The following TSPAN14 variants were observed in gnomAD, a reference collection of about 807,000 sequenced individuals.
TSPAN14 encodes tetraspanin 14.
A neutral mutation model predicts 36.6 loss-of-function variants in TSPAN14; 16 were observed. The ratio of observed to expected loss-of-function variants is 0.44; its 90% CI spans 0.30 to 0.66. The LOEUF (loss-of-function observed/expected upper bound fraction) is 0.66. Ranked by LOEUF, TSPAN14 falls within the 30% of genes least tolerant of loss-of-function variation. The pLI is 0.12. For synonymous variants in TSPAN14, 139 were observed against 143.8 expected (o/e 0.97, Z 0.24); for missense variants, 231 against 355.1 (o/e 0.65, Z 2.81).
chr10:80,476,477 G>C (rs935925915), intron 1 of TSPAN14, among the ~76,000 whole-genome samples: 2 of 140,208 alleles, frequency 1.4e-5, no homozygotes, highest in Non-Finnish European at 3.0e-5. Context: ...ATGCAGTGGC[G>C]AGATCTCTGC....
At chr10:80,504,131 C>T (rs1408691779) in intron 2 of TSPAN14, among the ~76,000 whole-genome samples, 3 of 152,236 alleles carry the variant, frequency 2.0e-5, no homozygotes, top group South Asian at 2.1e-4. Context: ...AGCATAGATG[C>T]GCCCCCTGCT....
At chr10:80,461,211 T>C (rs144253720) in intron 1 of TSPAN14, among the ~76,000 whole-genome samples, 185 of 152,312 alleles carry the variant, frequency 1.2e-3, no homozygotes, top group African/African-American at 4.3e-3. Flanking sequence ...GGTGACCCTG[T>C]TTGGCCTGCC....
At chr10:80,512,469 A>G (rs114891909) in intron 6 of TSPAN14, among the ~76,000 whole-genome samples, 200 bp downstream of exon 6, 1,807 of 152,090 alleles carry the variant, frequency 0.012, 30 homozygotes, top group African/African-American at 0.042. Flanking sequence ...TGCATGACCC[A>G]CCCTGGCCTT....
intron 1 of TSPAN14, among the ~76,000 whole-genome samples, chr10:80,483,896 G>A (rs372363861): frequency 2.8e-3 from 181 of 65,454 alleles, no homozygotes; most frequent in African/African-American, 9.9e-3. Flanking sequence ...GGCAACAAGA[G>A]CAAAACTCTT....
chr10:80,520,126 C>A (rs979616790), exon 9 of TSPAN14: 2 of 162,566 alleles, frequency 1.2e-5, no homozygotes, highest in African/African-American at 2.4e-5. Context: ...CAGTGCCCAC[C>A]TCACTAGATG....
At chr10:80,504,134 C>T (rs1840155496) in intron 2 of TSPAN14, among the ~76,000 whole-genome samples, 2 of 152,198 alleles carry the variant, frequency 1.3e-5, no homozygotes, top group Admixed American at 1.3e-4. Context: ...ATAGATGCGC[C>T]CCCTGCTCAT....
At chr10:80,482,396 C>G (rs559067520) in intron 1 of TSPAN14, among the ~76,000 whole-genome samples, 2 of 151,624 alleles carry the variant, frequency 1.3e-5, no homozygotes, top group African/African-American at 4.9e-5. Flanking sequence ...AAGCAATTCT[C>G]CTGCCTCAAC....
intron 2 of TSPAN14, among the ~76,000 whole-genome samples, chr10:80,493,377 C>T (rs535054098): frequency 2.6e-5 from 4 of 152,254 alleles, no homozygotes; most frequent in Admixed American, 6.5e-5. Context: ...ATAGAATTAC[C>T]GTATGATCCA....
intron 1 of TSPAN14, among the ~76,000 whole-genome samples, chr10:80,480,682 A>T (rs1170324310): frequency 1.3e-5 from 2 of 152,160 alleles, no homozygotes; most frequent in Non-Finnish European, 2.9e-5. Context: ...TCGCAAGAAC[A>T]AAAAACCAAA....
Position 80,509,236 on chromosome 10 carries a change from G to A in TSPAN14, c.280-65G>A, listed in dbSNP as rs1042070266. ...GGATGGTGGTTCTGGGTCAGGTGGGGTTATGTGTGTGGGGGTGCAGGCTGG... is the reference window on the plus strand; with the variant it reads ...GGATGGTGGTTCTGGGTCAGGTGGGATTATGTGTGTGGGGGTGCAGGCTGG... On this transcript the variant is annotated intron_variant, in intron 4 of 8. Transcript: ENST00000429989. This position sits in a 1 kb window ranked among gnomAD's most constrained non-coding sequence, Gnocchi z 4.7. 5 of 1,550,564 alleles carry A rather than the reference G, an allele frequency of 3.2e-6. No homozygotes were observed. The highest frequency in any genetic ancestry group is 4.5e-5 in the East Asian group (2 of 44,562).
chr10:80,489,400 C>G, intron 2 of TSPAN14, 86 bp downstream of exon 2: 1 of 979,226 alleles, frequency 1.0e-6, no homozygotes, highest in Non-Finnish European at 1.6e-6. Context: ...ATTTGCCAGA[C>G]ACTATGTAAG....
At chr10:80,477,825 C>T (rs1428492620) in intron 1 of TSPAN14, among the ~76,000 whole-genome samples, 1 of 152,144 alleles carries the variant, frequency 6.6e-6, no homozygotes, top group East Asian at 1.9e-4. Context: ...TCTTCTAACC[C>T]CTTTTAGCTT....
intron 1 of TSPAN14, among the ~76,000 whole-genome samples, chr10:80,484,524 C>T (rs1296803524): frequency 1.3e-5 from 2 of 152,086 alleles, no homozygotes; most frequent in Admixed American, 6.5e-5. Flanking sequence ...GGCCTTGTTG[C>T]ACAGGCTTAT....
intron 1 of TSPAN14, among the ~76,000 whole-genome samples, chr10:80,459,995 G>T (rs1467015171): frequency 1.3e-5 from 2 of 152,218 alleles, no homozygotes; most frequent in Non-Finnish European, 2.9e-5. Flanking sequence ...TGAGTGAGGG[G>T]TGGGAGCAGT....
At chr10:80,480,201 A>G (rs1216324356) in intron 1 of TSPAN14, among the ~76,000 whole-genome samples, 1 of 150,712 alleles carries the variant, frequency 6.6e-6, no homozygotes, top group East Asian at 1.9e-4. Flanking sequence ...GGGCTGAGAC[A>G]ATGGGGTTTT....
At chr10:80,462,020 C>T (rs973839341) in intron 1 of TSPAN14, among the ~76,000 whole-genome samples, 1 of 151,862 alleles carries the variant, frequency 6.6e-6, no homozygotes, top group Admixed American at 6.6e-5. Context: ...CTCAAGTGAT[C>T]CTCCCGCCTC....
rs79434811 is a variant in TSPAN14 at position 80,494,804 on chromosome 10, A to G, written c.81+5490A>G. On this transcript the variant is annotated intron_variant, in intron 2 of 8. Coordinates refer to ENST00000429989, the Ensembl canonical transcript of TSPAN14. ...ATGTATATAGTGTATTTTTGTTTTC[A>G]CTGCTGGGAAGATGTCCCTTTTTCT... 5.9e-3 allele frequency among the ~76,000 whole-genome samples: 894 copies of G among 152,238 alleles called. 11 individuals carry two copies. Among genetic ancestry groups the G allele is most frequent in the African/African-American group, 0.021 (853 of 41,536 alleles).
At chr10:80,511,418 C>T (rs139166256) in intron 5 of TSPAN14, among the ~76,000 whole-genome samples, 289 of 152,288 alleles carry the variant, frequency 1.9e-3, no homozygotes, top group African/African-American at 6.5e-3. Context: ...GAAGTGTTCT[C>T]TTGTGGCAAG....
chr10:80,512,063 A>G, intron 5 of TSPAN14, 81 bp from the exon 6 acceptor site: 2 of 1,590,098 alleles, frequency 1.3e-6, no homozygotes, highest in Non-Finnish European at 1.7e-6. Context: ...TTAGCCTGGC[A>G]TCACTATGAA....
Sources: allele counts gnomAD v4.1 joint callset (sites outside exome capture counted in the v4.1 genomes callset), GRCh38; gene constraint gnomAD v4.1.1; non-coding constraint Gnocchi (gnomAD v3.1); transcripts MANE v1.5; gene names NCBI Gene and HGNC (gene_info 2026-07-23, HGNC 2026-07-21).